TRERF1: variants seen among roughly 807,000 people sequenced by gnomAD.
TRERF1 encodes the protein transcriptional-regulating factor 1.
In TRERF1, 27 loss-of-function variants were observed where a neutral mutation model predicts 122.9. That is an observed-to-expected ratio of 0.22 (90% CI 0.16 to 0.30). The LOEUF (loss-of-function observed/expected upper bound fraction) is 0.30. Among genes scored for constraint, TRERF1 ranks in the 10% least tolerant of loss-of-function variants. The pLI is 1.00. For missense variants in TRERF1, 1,248 were observed against 1,560.3 expected (o/e 0.80, Z 3.37); for synonymous variants, 636 against 641.7 (o/e 0.99, Z 0.13).
chr6:42,428,875 C>T lies in TRERF1; in HGVS notation c.-454+22302G>A, dbSNP rs377649397. On this transcript the variant is annotated intron_variant, in intron 2 of 17. Transcript: ENST00000372922. ...CCCTCCCTTCCACACATTAATTATT[C>T]CCAGCAGGCCTTCCCACTTCCCAGG... is the stretch of plus-strand genomic sequence containing the variant. Among the ~76,000 whole-genome samples the T allele has an allele frequency of 7.9e-4, 120 of 152,306 alleles. 1 individual carries two copies. Among genetic ancestry groups the T allele is most frequent in the South Asian group, 4.6e-3 (22 of 4,832 alleles).
At chr6:42,290,275 T>A (rs77864745) in intron 4 of TRERF1, among the ~76,000 whole-genome samples, 1 of 152,156 alleles carries the variant, frequency 6.6e-6, no homozygotes. Flanking sequence ...TGGCACCCAC[T>A]GGGTGCTAAG....
intron 15 of TRERF1, among the ~76,000 whole-genome samples, chr6:42,239,577 T>C (rs1330605109): frequency 2.0e-5 from 3 of 152,208 alleles, no homozygotes; most frequent in African/African-American, 2.4e-5. Context: ...TGTTCCTTCA[T>C]GTTCCATCTG....
At chr6:42,238,211 A>C (rs1191282586) in intron 15 of TRERF1, among the ~76,000 whole-genome samples, 1 of 152,228 alleles carries the variant, frequency 6.6e-6, no homozygotes, top group Non-Finnish European at 1.5e-5. Context: ...TGGCATTTAA[A>C]AATAATTACA....
chr6:42,360,353 T>C (rs1270045013), intron 3 of TRERF1, among the ~76,000 whole-genome samples: 1 of 152,222 alleles, frequency 6.6e-6, no homozygotes, highest in African/African-American at 2.4e-5. Flanking sequence ...ATAAGCAAAT[T>C]AGAAATTAAA....
At chr6:42,313,541 G>A (rs1178051056) in intron 3 of TRERF1, among the ~76,000 whole-genome samples, 1 of 152,064 alleles carries the variant, frequency 6.6e-6, no homozygotes, top group Admixed American at 6.6e-5. Flanking sequence ...CTGTAAATCT[G>A]AGCCTTCCCA....
At chr6:42,450,653 A>C (rs994534333) in intron 2 of TRERF1, among the ~76,000 whole-genome samples, 1 of 151,980 alleles carries the variant, frequency 6.6e-6, no homozygotes, top group Non-Finnish European at 1.5e-5. Context: ...GTTGGTTTTT[A>C]ATATCTGTTT....
chr6:42,413,586 T>C (rs1225701962), intron 2 of TRERF1, among the ~76,000 whole-genome samples: 2 of 152,050 alleles, frequency 1.3e-5, no homozygotes, highest in Admixed American at 6.5e-5. Context: ...CGCGCCACCA[T>C]GCCCAGCTAA....
intron 2 of TRERF1, among the ~76,000 whole-genome samples, chr6:42,430,180 T>C (rs529285993): frequency 6.6e-6 from 1 of 152,106 alleles, no homozygotes; most frequent in African/African-American, 2.4e-5. Flanking sequence ...TGATGGGTTG[T>C]AAGCAGGAGA....
At chr6:42,423,967 T>C (rs1783229655) in intron 2 of TRERF1, among the ~76,000 whole-genome samples, 2 of 152,222 alleles carry the variant, frequency 1.3e-5, no homozygotes, top group Non-Finnish European at 2.9e-5. Context: ...TCAAATGTAA[T>C]AAAAAGATAT....
In TRERF1 at chr6:42,256,779, G is replaced by T. The variant is rs754483964; in HGVS notation, c.2529C>A (p.Thr843=). 4 of 1,614,158 alleles carry T rather than the reference G, an allele frequency of 2.5e-6. No individual in the cohort carries two copies. The Admixed American group carries it at 6.7e-5, about 27-fold the overall frequency. The stretch of plus-strand genomic sequence containing the variant: ...GAGAGTGCAAAGCAAATTCAGAATT[G>T]GTCCCTCCACCTGGCAATGCACTGG... Residue 843 remains threonine, a synonymous_variant, in exon 12 of 18, where the codon ACC becomes ACA. Coordinates refer to ENST00000372922, the Ensembl canonical transcript of TRERF1.
chr6:42,435,866 A>G (rs1361219076), intron 2 of TRERF1, among the ~76,000 whole-genome samples: 10 of 149,580 alleles, frequency 6.7e-5, no homozygotes, highest in African/African-American at 2.5e-4. Flanking sequence ...TGTAATCCCA[A>G]CTACTCAGGA....
rs556802312 is a variant in TRERF1 at position 42,247,064 on chromosome 6, TA to T, written c.2657-521del. On this transcript the variant is annotated intron_variant, in intron 13 of 17. Transcript: ENST00000372922. ...TGACGTTCAAGGTGGTAATTGTAAT[TA>T]TTCAGGTAGAGGCGAGGTGCCAATG... is the stretch of plus-strand genomic sequence containing the variant. 3.3e-5 allele frequency among the ~76,000 whole-genome samples: 5 copies of T among 152,262 alleles called. No individual in the cohort carries two copies. The South Asian group carries it at 1.0e-3, about 32-fold the overall frequency.
At chr6:42,418,092 C>T (rs1249925202) in intron 2 of TRERF1, among the ~76,000 whole-genome samples, 1 of 152,240 alleles carries the variant, frequency 6.6e-6, no homozygotes, top group Admixed American at 6.5e-5. Context: ...ACTTGACGTG[C>T]ACCCAATCAC....
At chr6:42,234,491 C>A (rs984171111) in intron 16 of TRERF1, among the ~76,000 whole-genome samples, 2 of 152,072 alleles carry the variant, frequency 1.3e-5, no homozygotes, top group Non-Finnish European at 2.9e-5. Context: ...GCGCGCACCA[C>A]CACGCCCAGG....
chr6:42,403,860 T>C (rs1779777860), intron 2 of TRERF1, among the ~76,000 whole-genome samples: 1 of 152,214 alleles, frequency 6.6e-6, no homozygotes, highest in Admixed American at 6.5e-5. Context: ...CATTGTCCAC[T>C]GTCCATGCTT....
At chr6:42,304,848 G>A (rs1167415708) in intron 3 of TRERF1, among the ~76,000 whole-genome samples, 1 of 152,182 alleles carries the variant, frequency 6.6e-6, no homozygotes, top group Non-Finnish European at 1.5e-5. Flanking sequence ...CACAAAACCA[G>A]GGTGCTTACA....
At chr6:42,266,616 C>T (rs1779251699) in intron 5 of TRERF1, among the ~76,000 whole-genome samples, 1 of 152,208 alleles carries the variant, frequency 6.6e-6, no homozygotes, top group African/African-American at 2.4e-5. Flanking sequence ...TGGCCTTCAA[C>T]CTCCATCAGA....
chr6:42,262,439 AGAGAGAGAGAGAGAGAGAGAGAGAGAG>A (rs1281471305), intron 8 of TRERF1, among the ~76,000 whole-genome samples: 4 of 25,648 alleles, frequency 1.6e-4, no homozygotes, highest in Non-Finnish European at 2.3e-4. Flanking sequence ...AGGGGCAGAG[AGAGAGAGAGAGAGAGAGAGAGAGAGAG>A]GAGAGAGAGA....
intron 2 of TRERF1, among the ~76,000 whole-genome samples, chr6:42,364,716 G>A (rs919329309): frequency 2.6e-5 from 4 of 152,232 alleles, no homozygotes; most frequent in African/African-American, 9.6e-5. Flanking sequence ...AACCCACCGG[G>A]TCCCTGCTCT....
Sources: gnomAD v4.1 joint callset for allele counts (sites outside exome capture counted in the v4.1 genomes callset) on GRCh38, gnomAD v4.1.1 for gene constraint, MANE v1.5 for transcripts, NCBI Gene and HGNC (gene_info 2026-07-23, HGNC 2026-07-21) for gene names.